PBX3: variants seen among roughly 807,000 people sequenced by gnomAD.
PBX3 encodes the protein pre-B-cell leukemia transcription factor 3.
PBX3 carries 14 observed loss-of-function variants against 48.5 expected under a neutral mutation model. That is an observed-to-expected ratio of 0.29 (90% confidence interval 0.19 to 0.45). The LOEUF (loss-of-function observed/expected upper bound fraction) is 0.45. PBX3 is among the 20% of genes least tolerant of loss of function. PBX3 has a pLI of 1.00. For synonymous variants in PBX3, 210 were observed against 200.3 expected (o/e 1.05, Z -0.41); for missense variants, 386 against 546.7 (o/e 0.71, Z 2.93).
intron 2 of PBX3, among the ~76,000 whole-genome samples, chr9:125,778,603 TTC>T: frequency 1.2e-5 from 1 of 84,018 alleles, no homozygotes; most frequent in East Asian, 4.1e-4. Flanking sequence ...TGTTGATCTT[TTC>T]TTTTTTTTTT....
Position 125,880,469 on chromosome 9 carries a change from A to T in PBX3, c.275-35217A>T, listed in dbSNP as rs72752635. ...TTGATCAGCACTTCCAGTTATTTTC[A>T]ATATTAATTATCTGACTTTTCTCTT... On this transcript the variant is annotated intron_variant, in intron 2 of 8. Transcript: ENST00000373489. Among the ~76,000 whole-genome samples the T allele has an allele frequency of 7.4e-3, 1,121 of 152,334 alleles. 16 individuals carry two copies. Among genetic ancestry groups the T allele is most frequent in the Non-Finnish European group, 9.1e-3 (620 of 68,030 alleles).
At chr9:125,931,108 C>T (rs1343469939) in intron 4 of PBX3, among the ~76,000 whole-genome samples, 5 of 152,084 alleles carry the variant, frequency 3.3e-5, no homozygotes, top group Admixed American at 3.3e-4. Context: ...AAATGTTTTA[C>T]AATATTCTCT....
chr9:125,942,519 TTAAAA>T (rs1315339003), intron 5 of PBX3, among the ~76,000 whole-genome samples: 3 of 152,206 alleles, frequency 2.0e-5, no homozygotes, highest in African/African-American at 7.2e-5. Context: ...AAGAAGCCCG[TTAAAA>T]TAATAATTAG....
chr9:125,754,093 T>C (rs900640936), intron 2 of PBX3, among the ~76,000 whole-genome samples: 7 of 152,108 alleles, frequency 4.6e-5, no homozygotes, highest in East Asian at 3.8e-4. Context: ...TTAGAATAAA[T>C]GCTTAACACA....
Position 125,966,458 on chromosome 9 carries a change from T to A in PBX3, c.*535T>A, listed in dbSNP as rs941294686. ...CTTCCTCGTCACGTTTGTGTTCAGA[T>A]CTCTTATGTTATAATTAGATCAGAG... On this transcript the variant is annotated 3_prime_UTR_variant, in exon 9 of 9. Transcript: ENST00000373489. The A allele has an allele frequency of 6.5e-6, 1 of 152,798 alleles. No homozygotes were observed. 9.5% of individuals were successfully genotyped at this position (152,798 alleles called of 1,614,324 possible). A position where few individuals can be genotyped will look rare whatever the true frequency, so the allele number is the denominator to read the frequency against.
At chr9:125,948,720 GTA>G (rs386416228) in intron 5 of PBX3, among the ~76,000 whole-genome samples, 14 of 149,620 alleles carry the variant, frequency 9.4e-5, no homozygotes, top group Non-Finnish European at 1.0e-4. Flanking sequence ...GTGTGTGTGT[GTA>G]TATATATATA....
At chr9:125,919,670 C>T (rs1295897388) in intron 3 of PBX3, among the ~76,000 whole-genome samples, 1 of 152,156 alleles carries the variant, frequency 6.6e-6, no homozygotes, top group African/African-American at 2.4e-5. Context: ...AAATAAACTA[C>T]ATTAGAATCT....
intron 2 of PBX3, among the ~76,000 whole-genome samples, chr9:125,907,065 A>G (rs148298341): frequency 3.3e-4 from 50 of 152,174 alleles, no homozygotes; most frequent in African/African-American, 1.0e-3. Context: ...ATGAGCAACT[A>G]TCATGAGTGT....
At chr9:125,823,533 C>CT (rs532531836) in intron 2 of PBX3, among the ~76,000 whole-genome samples, 15 of 147,286 alleles carry the variant, frequency 1.0e-4, no homozygotes, top group Admixed American at 2.0e-4. Flanking sequence ...GGATAAATTA[C>CT]TTTTTTTTTT....
intron 2 of PBX3, among the ~76,000 whole-genome samples, chr9:125,834,973 T>C (rs1280722185): frequency 8.4e-6 from 1 of 119,568 alleles, no homozygotes; most frequent in Non-Finnish European, 1.6e-5. Context: ...GCCAAGTTCA[T>C]GCCACTGCAC....
At chr9:125,867,752 CTATA>C (rs938252198) in intron 2 of PBX3, among the ~76,000 whole-genome samples, 4 of 140,374 alleles carry the variant, frequency 2.8e-5, no homozygotes, top group African/African-American at 9.5e-5. Flanking sequence ...CTCTCTCTCT[CTATA>C]TATATATACA....
rs1588118823 is a variant in PBX3 at position 125,756,673 on chromosome 9, A to T, written c.274+8050A>T. Among the ~76,000 whole-genome samples the T allele has an allele frequency of 3.3e-5, 5 of 152,316 alleles. 1 individual carries two copies. The highest frequency in any genetic ancestry group is 3.3e-4 in the Admixed American group (5 of 15,300). ...TAGTCACCACAGCTGCCATGCATGC[A>T]TACTACCAAGGCAGGCATCTCTTCG... is the stretch of plus-strand genomic sequence containing the variant. On this transcript the variant is annotated intron_variant, in intron 2 of 8. Transcript: ENST00000373489.
intron 2 of PBX3, among the ~76,000 whole-genome samples, chr9:125,897,143 T>G (rs1408770437): frequency 7.7e-6 from 1 of 129,414 alleles, no homozygotes; most frequent in Non-Finnish European, 1.7e-5. Context: ...CATTTGTGGT[T>G]TTTTTTTTTT....
At chr9:125,880,923 A>C (rs1840366507) in intron 2 of PBX3, among the ~76,000 whole-genome samples, 1 of 152,244 alleles carries the variant, frequency 6.6e-6, no homozygotes, top group African/African-American at 2.4e-5. Context: ...TAGTTTTTTA[A>C]AAACAGAGTT....
At chr9:125,908,334 C>T (rs1196157330) in intron 2 of PBX3, among the ~76,000 whole-genome samples, 1 of 151,988 alleles carries the variant, frequency 6.6e-6, no homozygotes, top group Non-Finnish European at 1.5e-5. Flanking sequence ...CCATTCACAG[C>T]ATGGCAGTGA....
intron 2 of PBX3, among the ~76,000 whole-genome samples, chr9:125,774,529 A>T (rs927982159): frequency 2.0e-5 from 3 of 151,744 alleles, no homozygotes; most frequent in African/African-American, 7.3e-5. Context: ...GGCATCTTTC[A>T]CTTAATGTTT....
intron 1 of PBX3, 115 bp downstream of exon 1, chr9:125,747,768 T>C (rs2131934389): frequency 1.3e-6 from 1 of 766,922 alleles, no homozygotes; most frequent in East Asian, 3.5e-5. Flanking sequence ...CGGGGAACTT[T>C]CTCCGAAAGC....
intron 2 of PBX3, among the ~76,000 whole-genome samples, chr9:125,874,335 A>G (rs1003898766): frequency 6.6e-6 from 1 of 152,204 alleles, no homozygotes; most frequent in Non-Finnish European, 1.5e-5. Flanking sequence ...AAAACTAATT[A>G]TATAACATTA....
chr9:125,786,134 T>C (rs1837451133), intron 2 of PBX3, among the ~76,000 whole-genome samples: 1 of 152,190 alleles, frequency 6.6e-6, no homozygotes, highest in South Asian at 2.1e-4. Context: ...AGTTTGAATA[T>C]GTTGAGTTTG....
Sources: allele counts gnomAD v4.1 joint callset (sites outside exome capture counted in the v4.1 genomes callset), GRCh38; gene constraint gnomAD v4.1.1; transcripts MANE v1.5; gene names NCBI Gene and HGNC (gene_info 2026-07-23, HGNC 2026-07-21).